ERC2: variants seen among roughly 807,000 people sequenced by gnomAD.
ERC2 encodes the protein ERC protein 2.
A neutral mutation model predicts 114.8 loss-of-function variants in ERC2; 42 were observed. The observed-to-expected ratio is 0.37, with a 90% CI of 0.29 to 0.47. The LOEUF (loss-of-function observed/expected upper bound fraction) is 0.47. Ranked by LOEUF, ERC2 falls within the 20% of genes least tolerant of loss-of-function variation. ERC2 has a pLI of 0.99. For synonymous variants in ERC2, 454 were observed against 425.5 expected, an observed-to-expected ratio of 1.07 and a Z score of -0.82; for missense variants, 939 against 1,150.7, an observed-to-expected ratio of 0.82 and a Z score of 2.66.
chr3:56,014,871 A>G (rs1454954940), intron 8 of ERC2, among the ~76,000 whole-genome samples: 1 of 152,182 alleles, frequency 6.6e-6, no homozygotes, highest in Non-Finnish European at 1.5e-5. Context: ...CCTCATTCCA[A>G]TGTTACAAAT....
chr3:55,883,112 T>C (rs943296585), intron 14 of ERC2, among the ~76,000 whole-genome samples: 39 of 152,356 alleles, frequency 2.6e-4, no homozygotes, highest in Middle Eastern at 3.4e-3. Flanking sequence ...AGATCATCAG[T>C]GAATATTTAT....
chr3:55,988,770 A>C (rs1304857364), intron 11 of ERC2, among the ~76,000 whole-genome samples: 1 of 152,234 alleles, frequency 6.6e-6, no homozygotes, highest in Non-Finnish European at 1.5e-5. Flanking sequence ...AATTGCAAAC[A>C]TTTCTCCATG....
rs185309025 is a variant in ERC2, at chr3:55,760,317, T to C, written c.2565-25399A>G. ...CTGTCTGTAATGTAAGCAAATACTT[T>C]AGTGAGGTTGTGAAAAATTGATTAG... On this transcript the variant is annotated intron_variant, in intron 14 of 17. Transcript: ENST00000288221. 5.3e-4 allele frequency among the ~76,000 whole-genome samples: 81 copies of C among 152,280 alleles called. No individual in the cohort carries two copies. In the South Asian group the frequency reaches 6.8e-3, roughly 13 times the overall value.
intron 16 of ERC2, among the ~76,000 whole-genome samples, chr3:55,686,074 T>C (rs1373699450): frequency 6.6e-6 from 1 of 152,224 alleles, no homozygotes; most frequent in East Asian, 1.9e-4. Flanking sequence ...TTAATTATGA[T>C]TGAAACAGAC....
At chr3:55,751,016 T>C (rs1356873724) in intron 14 of ERC2, among the ~76,000 whole-genome samples, 2 of 152,216 alleles carry the variant, frequency 1.3e-5, no homozygotes, top group East Asian at 1.9e-4. Context: ...AGCAAGCATA[T>C]GTTGTTGGCA....
At chr3:55,999,665 A>G (rs928456746) in intron 10 of ERC2, among the ~76,000 whole-genome samples, 2 of 151,870 alleles carry the variant, frequency 1.3e-5, no homozygotes, top group African/African-American at 4.8e-5. Context: ...ATATATAGAT[A>G]TGCTTAAGAC....
chr3:55,949,351 CA>C (rs971270368), intron 13 of ERC2, among the ~76,000 whole-genome samples: 3 of 151,596 alleles, frequency 2.0e-5, no homozygotes, highest in African/African-American at 7.3e-5. Context: ...GTCTGGGCGA[CA>C]GGGGGAGACT....
At chr3:56,369,051 T>C (rs1392188438) in intron 2 of ERC2, among the ~76,000 whole-genome samples, 2 of 152,122 alleles carry the variant, frequency 1.3e-5, no homozygotes, top group African/African-American at 4.8e-5. Flanking sequence ...GCTGATGACC[T>C]CACATAGGGG....
chr3:55,890,330 C>T (rs1223127862), intron 13 of ERC2, among the ~76,000 whole-genome samples: 1 of 152,116 alleles, frequency 6.6e-6, no homozygotes, highest in Non-Finnish European at 1.5e-5. Context: ...AGATAGTCTG[C>T]CTGACCCTCC....
intron 7 of ERC2, among the ~76,000 whole-genome samples, chr3:56,065,479 C>T (rs1012295975): frequency 6.6e-5 from 10 of 152,004 alleles, no homozygotes; most frequent in African/African-American, 2.4e-4. Context: ...ACCTCAGCCA[C>T]CGTGCCCAGC....
chr3:55,696,663 C>T (rs554687915), intron 16 of ERC2, among the ~76,000 whole-genome samples: 9 of 152,256 alleles, frequency 5.9e-5, no homozygotes, highest in South Asian at 2.1e-4. Context: ...CCATTGATAA[C>T]GACTTTATTC....
intron 2 of ERC2, among the ~76,000 whole-genome samples, chr3:56,408,093 T>C (rs1011509653): frequency 1.3e-5 from 2 of 152,188 alleles, no homozygotes; most frequent in Non-Finnish European, 2.9e-5. Context: ...GAAGAAATAA[T>C]GTCCACCTCA....
intron 3 of ERC2, among the ~76,000 whole-genome samples, chr3:56,251,442 C>G (rs2052146024): frequency 6.6e-6 from 1 of 152,222 alleles, no homozygotes; most frequent in African/African-American, 2.4e-5. Flanking sequence ...AATTTAATAA[C>G]TGATCTGCAC....
chr3:55,587,589 G>A (rs1395871672), intron 17 of ERC2, among the ~76,000 whole-genome samples: 4 of 152,274 alleles, frequency 2.6e-5, no homozygotes, highest in African/African-American at 7.2e-5. Flanking sequence ...ACACTTAAAG[G>A]TCATATTGCT....
chr3:55,714,691 A>ATGTGTG (rs2064000875), intron 15 of ERC2, among the ~76,000 whole-genome samples: 15 of 126,304 alleles, frequency 1.2e-4, no homozygotes, highest in African/African-American at 2.9e-4. Context: ...ATATATATAT[A>ATGTGTG]TATATATATA....
chr3:56,263,756 T>C (rs1349304458), intron 3 of ERC2, among the ~76,000 whole-genome samples: 2 of 152,186 alleles, frequency 1.3e-5, no homozygotes, highest in African/African-American at 4.8e-5. Context: ...ACAACAATTC[T>C]TCTTAAATTC....
chr3:56,400,613 T>G (rs77794404), intron 2 of ERC2, among the ~76,000 whole-genome samples: 2 of 152,360 alleles, frequency 1.3e-5, no homozygotes, highest in African/African-American at 4.8e-5. Context: ...TATTACATGC[T>G]AAGGTTACTT....
At chr3:55,974,347 C>T (rs568540996) in intron 12 of ERC2, among the ~76,000 whole-genome samples, 75 of 152,308 alleles carry the variant, frequency 4.9e-4, no homozygotes, top group African/African-American at 1.8e-3. Context: ...TTGTATCAGA[C>T]AAGATCAAGG....
intron 17 of ERC2, among the ~76,000 whole-genome samples, chr3:55,549,886 T>TTCTC (rs142695265): frequency 2.7e-5 from 4 of 147,882 alleles, no homozygotes; most frequent in Non-Finnish European, 4.5e-5. Flanking sequence ...ACCACCTCCT[T>TTCTC]TCTCTCTCTC....
Sources: allele counts gnomAD v4.1 joint callset (sites outside exome capture counted in the v4.1 genomes callset), GRCh38; gene constraint gnomAD v4.1.1; transcripts MANE v1.5; gene names NCBI Gene and HGNC (gene_info 2026-07-23, HGNC 2026-07-21).